APLP2: variants seen among roughly 807,000 people sequenced by gnomAD.
APLP2 encodes CDEI box-binding protein.
Under a neutral mutation model 89.9 loss-of-function variants are expected in APLP2, and 53 were observed. That is an observed-to-expected ratio of 0.59 (90% CI 0.47 to 0.74). APLP2 has a LOEUF of 0.74. Ranked by LOEUF, APLP2 falls within the 30% of genes least tolerant of loss-of-function variation. The pLI is 0.00. For synonymous variants in APLP2, 372 were observed against 348.6 expected (o/e 1.07, Z -0.75); for missense variants, 973 against 975.9 (o/e 1.00, Z 0.04).
intron 1 of APLP2, among the ~76,000 whole-genome samples, chr11:130,105,011 T>C (rs1947463240): frequency 6.6e-6 from 1 of 152,238 alleles, no homozygotes; most frequent in African/African-American, 2.4e-5. Flanking sequence ...GACCATAATA[T>C]ATTTCACAAT....
intron 1 of APLP2, among the ~76,000 whole-genome samples, chr11:130,102,371 T>C (rs1460558951): frequency 1.3e-5 from 2 of 152,228 alleles, no homozygotes; most frequent in Non-Finnish European, 2.9e-5. Flanking sequence ...CCGCGTTTAT[T>C]AGAACTAGAA....
chr11:130,109,387 A>T, intron 1 of APLP2, 42 bp from the exon 2 acceptor site: 1 of 1,577,634 alleles, frequency 6.3e-7, no homozygotes, highest in Non-Finnish European at 8.6e-7. Context: ...CCTCTGTGCT[A>T]GCCTTCTTGG....
At chr11:130,078,293 C>T (rs1321947103) in intron 1 of APLP2, among the ~76,000 whole-genome samples, 1 of 151,892 alleles carries the variant, frequency 6.6e-6, no homozygotes, top group African/African-American at 2.4e-5. Context: ...CACTCATTTC[C>T]GTTGCTGCAT....
Position 130,123,495 on chromosome 11 carries a change from G to C in APLP2, c.923-117G>C. Reference sequence around the variant, plus strand: ...GAGCTTTCGGCCACCGGGCCTCCAGGCTCCGTCCAGTCTCAGGCCTCCCCC... The same window carrying C: ...GAGCTTTCGGCCACCGGGCCTCCAGCCTCCGTCCAGTCTCAGGCCTCCCCC... On this transcript the variant is annotated intron_variant, in intron 6 of 16. Transcript: ENST00000338167. This position sits in a 1 kb window ranked among gnomAD's most constrained non-coding sequence, Gnocchi z 4.0. The C allele has an allele frequency of 1.7e-6, 2 of 1,146,916 alleles. No homozygotes were observed. Among genetic ancestry groups the C allele is most frequent in the East Asian group, 2.5e-5 (1 of 39,740 alleles). The allele number at this position is 1,146,916 out of a possible 1,614,324, so 71.0% of individuals were successfully genotyped here.
intron 3 of APLP2, among the ~76,000 whole-genome samples, chr11:130,111,049 T>C (rs1265157931): frequency 1.3e-5 from 2 of 152,144 alleles, no homozygotes; most frequent in Non-Finnish European, 2.9e-5. Context: ...GTTTGCACCA[T>C]TTGACCAAAT....
intron 1 of APLP2, among the ~76,000 whole-genome samples, chr11:130,083,030 T>TC (rs1156268191): frequency 1.8e-5 from 2 of 110,424 alleles, no homozygotes; most frequent in South Asian, 2.8e-4. Context: ...TCTTTTCTTT[T>TC]TTTTTTTTTT....
chr11:130,144,009 G>A lies in APLP2; in HGVS notation c.*561G>A, dbSNP rs1479120884. ...GAGACCCTCGCAAAATGATGTGAAA[G>A]GACCAGTTTCTTGAAGTCCAGTGTT... On this transcript the variant is annotated 3_prime_UTR_variant, in exon 17 of 17. Transcript: ENST00000338167. 1 of 152,900 alleles carries A rather than the reference G, an allele frequency of 6.5e-6. No homozygotes were observed. Among genetic ancestry groups the A allele is most frequent in the Admixed American group, 6.5e-5 (1 of 15,356 alleles). 9.5% of individuals were successfully genotyped at this position (152,900 alleles called of 1,614,324 possible). A position where few individuals can be genotyped will look rare whatever the true frequency, so the allele number is the denominator to read the frequency against.
At position 130,144,497 on chromosome 11, in the gene APLP2, C is replaced by G. The variant is rs569089645; in HGVS notation, c.*1049C>G. ...GTCCCTGAAACTGAGTCTGTGGACA[C>G]TGTGGAAAGCTTTGAACAATTGTGT... On this transcript the variant is annotated 3_prime_UTR_variant, in exon 17 of 17. Coordinates refer to ENST00000338167, the MANE Select transcript of APLP2 (RefSeq NM_001142276.2). 5 of 152,464 alleles carry G rather than the reference C, an allele frequency of 3.3e-5. No homozygotes were observed. The East Asian group carries it at 5.8e-4, about 18-fold the overall frequency. The allele number at this position is 152,464 out of a possible 1,614,324, so 9.4% of individuals were successfully genotyped here.
chr11:130,121,587 C>G (rs756098712), intron 4 of APLP2, 27 bp from the exon 5 acceptor site: 1 of 1,597,364 alleles, frequency 6.3e-7, no homozygotes, highest in Non-Finnish European at 8.5e-7. Flanking sequence ...GGAGTATGTT[C>G]TGATGTGGCC....
In APLP2 at chr11:130,070,024, T is replaced by C; in HGVS notation, c.47T>C (p.Leu16Pro). The change falls in exon 1 of 17, where the codon CTG becomes CCG. Residue 16 changes from leucine to proline, a missense_variant. Leu to Pro is a moderately conservative substitution (Grantham distance 98). Coordinates refer to ENST00000338167, the MANE Select transcript of APLP2 (RefSeq NM_001142276.2). ...GCCGCCGCAGCCACGGGCAGGCTCC[T>C]GCTTCTGCTGCTGGTGGGGCTCACG... Reference protein sequence around the residue: ...TAAAAATGRLLLLLLVGLTAP... With the variant: ...TAAAAATGRLPLLLLVGLTAP... 6.6e-7 allele frequency: 1 copy of C among 1,512,526 alleles called. No individual in the cohort carries two copies. The highest frequency in any genetic ancestry group is 8.8e-7 in the Non-Finnish European group (1 of 1,137,444). The allele number at this position is 1,512,526 out of a possible 1,614,324, so 93.7% of individuals were successfully genotyped here.
At chr11:130,129,584 T>G (rs989369033) in intron 10 of APLP2, among the ~76,000 whole-genome samples, 1 of 152,236 alleles carries the variant, frequency 6.6e-6, no homozygotes, top group African/African-American at 2.4e-5. Flanking sequence ...AGTAATTTCT[T>G]CTGAAACTCT....
At chr11:130,086,483 C>T (rs1944141352) in intron 1 of APLP2, among the ~76,000 whole-genome samples, 1 of 152,176 alleles carries the variant, frequency 6.6e-6, no homozygotes, top group African/African-American at 2.4e-5. Flanking sequence ...TTTTCACTCT[C>T]AATAGTGTCC....
intron 1 of APLP2, among the ~76,000 whole-genome samples, chr11:130,094,614 C>T (rs1054265911): frequency 6.6e-6 from 1 of 152,220 alleles, no homozygotes; most frequent in Admixed American, 6.5e-5. Flanking sequence ...TTATTTCCAG[C>T]CTTTAATTTA....
intron 11 of APLP2, among the ~76,000 whole-genome samples, chr11:130,131,569 T>C (rs372279628): frequency 6.6e-6 from 1 of 152,192 alleles, no homozygotes; most frequent in Non-Finnish European, 1.5e-5. Flanking sequence ...TCACGCTGGA[T>C]GTAGCAGAAG....
intron 3 of APLP2, among the ~76,000 whole-genome samples, chr11:130,116,388 C>T (rs762742252): frequency 7.9e-5 from 12 of 152,080 alleles, no homozygotes; most frequent in South Asian, 2.1e-4. Context: ...AATTCCCTCT[C>T]GATGGACATT....
intron 1 of APLP2, among the ~76,000 whole-genome samples, chr11:130,083,053 T>TTTTTTTTTTTTTTTTTTTTTG (rs1943507658): frequency 7.7e-6 from 1 of 130,342 alleles, no homozygotes; most frequent in Non-Finnish European, 1.5e-5. Context: ...TTTTTTTTTT[T>TTTTTTTTTTTTTTTTTTTTTG]GAGACACGGT....
intron 1 of APLP2, among the ~76,000 whole-genome samples, chr11:130,070,375 C>G (rs1265813925): frequency 6.6e-6 from 1 of 151,238 alleles, no homozygotes; most frequent in African/African-American, 2.4e-5. Flanking sequence ...GGCGCCGCCA[C>G]CTCCTCCGGG....
chr11:130,107,929 A>G (rs887686831), intron 1 of APLP2, among the ~76,000 whole-genome samples: 1 of 152,228 alleles, frequency 6.6e-6, no homozygotes, highest in African/African-American at 2.4e-5. Flanking sequence ...AAACCATCTG[A>G]TCTTTGACAA....
At chr11:130,128,934 C>A in intron 9 of APLP2, 114 bp from the exon 10 acceptor site, 2 of 1,187,604 alleles carry the variant, frequency 1.7e-6, no homozygotes, top group Non-Finnish European at 2.3e-6. Flanking sequence ...ACTCTCCGAA[C>A]CTGTTACTGT....
Sources: allele counts gnomAD v4.1 joint callset (sites outside exome capture counted in the v4.1 genomes callset), GRCh38; gene constraint gnomAD v4.1.1; non-coding constraint Gnocchi (gnomAD v3.1); transcripts MANE v1.5; gene names NCBI Gene and HGNC (gene_info 2026-07-23, HGNC 2026-07-21).